TMTC2: variants seen among roughly 807,000 people sequenced by gnomAD.
TMTC2 encodes transmembrane O-mannosyltransferase targeting cadherins 2, also known as protein O-mannosyl-transferase TMTC2.
A neutral mutation model predicts 82.4 loss-of-function variants in TMTC2; 43 were observed. The observed-to-expected ratio is 0.52, with a 90% CI of 0.41 to 0.67. The LOEUF (loss-of-function observed/expected upper bound fraction) is 0.67, where lower values mean the gene tolerates loss of function less well. TMTC2 is among the 30% of genes least tolerant of loss of function. The probability of loss-of-function intolerance (pLI) is 0.00; values close to 1 mark genes in which losing one functional copy is unlikely to be tolerated. For synonymous variants in TMTC2, 408 were observed against 381.9 expected, an observed-to-expected ratio of 1.07 and a Z score of -0.80; for missense variants, 919 against 1,012.4, an observed-to-expected ratio of 0.91 and a Z score of 1.25.
intron 2 of TMTC2, among the ~76,000 whole-genome samples, chr12:82,892,677 T>A (rs910892770): frequency 6.6e-6 from 1 of 152,202 alleles, no homozygotes; most frequent in Non-Finnish European, 1.5e-5. Context: ...TTACAGCTGT[T>A]TTTGTAATGC....
Position 82,751,553 on chromosome 12 carries a change from TAAAA to T in TMTC2, c.83+63885_83+63888del, listed in dbSNP as rs1565734497. Among the ~76,000 whole-genome samples the T allele has an allele frequency of 4.6e-3, 700 of 151,940 alleles. 3 individuals are homozygous for T. The highest frequency in any genetic ancestry group is 7.0e-3 in the Non-Finnish European group (475 of 67,950). On this transcript the variant is annotated intron_variant, in intron 1 of 11. Transcript: ENST00000321196. ...AAAGTATAATAATAATAAAATAAAA[TAAAA>T]TAAAATATATAAAGTTATTTTGGAA... is the stretch of plus-strand genomic sequence containing the variant.
chr12:82,983,815 T>C (rs1421745039), intron 7 of TMTC2, among the ~76,000 whole-genome samples: 1 of 152,054 alleles, frequency 6.6e-6, no homozygotes, highest in Non-Finnish European at 1.5e-5. Flanking sequence ...TATGTGGATA[T>C]GTTTTCTCAT....
chr12:82,837,580 T>C (rs1018733059), intron 1 of TMTC2, among the ~76,000 whole-genome samples: 1 of 152,258 alleles, frequency 6.6e-6, no homozygotes, highest in African/African-American at 2.4e-5. Flanking sequence ...TGTAATTGTC[T>C]GTTTTTGAAG....
chr12:83,088,101 G>A (rs762008705), intron 11 of TMTC2, among the ~76,000 whole-genome samples: 28 of 152,196 alleles, frequency 1.8e-4, no homozygotes, highest in South Asian at 4.1e-4. Flanking sequence ...ACCAGCACTA[G>A]TAGCCTCACC....
chr12:82,871,621 T>C (rs1872180854), intron 2 of TMTC2, among the ~76,000 whole-genome samples: 2 of 151,722 alleles, frequency 1.3e-5, no homozygotes, highest in African/African-American at 2.4e-5. Context: ...TAATTTAGCC[T>C]GGTTAGGGAA....
At chr12:82,705,820 G>C (rs1873325959) in intron 1 of TMTC2, among the ~76,000 whole-genome samples, 1 of 152,048 alleles carries the variant, frequency 6.6e-6, no homozygotes, top group African/African-American at 2.4e-5. Context: ...GAGATTGTGC[G>C]ACATAATCTC....
At position 82,976,829 on chromosome 12, in the gene TMTC2, A is replaced by C. The variant is rs370074003; in HGVS notation, c.1949-9096A>C. Among the ~76,000 whole-genome samples the C allele has an allele frequency of 2.0e-5, 3 of 152,134 alleles. No individual in the cohort carries two copies. The South Asian group carries it at 6.2e-4, about 32-fold the overall frequency. On this transcript the variant is annotated intron_variant, in intron 7 of 11. Coordinates refer to ENST00000321196, the MANE Select transcript of TMTC2 (RefSeq NM_152588.3). The stretch of plus-strand genomic sequence containing the variant: ...CTGTGAAGTAAAAAATGATCATCGG[A>C]CTGCAGGTTCTAGAAAAAAAGAATT...
intron 3 of TMTC2, 86 bp downstream of exon 3, chr12:82,896,732 T>A: frequency 9.0e-7 from 1 of 1,113,732 alleles, no homozygotes; most frequent in Non-Finnish European, 1.3e-6. Flanking sequence ...AACACAGTAT[T>A]AAGGAGGAAG....
At chr12:82,790,007 G>C (rs1472494367) in intron 1 of TMTC2, among the ~76,000 whole-genome samples, 1 of 151,994 alleles carries the variant, frequency 6.6e-6, no homozygotes. Context: ...GAGGCAAGGA[G>C]TTGGGGCAAC....
chr12:83,082,800 C>CATAGGATTT (rs1332959125), intron 11 of TMTC2, among the ~76,000 whole-genome samples: 2 of 152,160 alleles, frequency 1.3e-5, no homozygotes, highest in African/African-American at 2.4e-5. Flanking sequence ...ATGTGGAGCA[C>CATAGGATTT]ATAGGATTTG....
At chr12:82,779,938 A>C (rs1258472096) in intron 1 of TMTC2, among the ~76,000 whole-genome samples, 1 of 151,022 alleles carries the variant, frequency 6.6e-6, no homozygotes, top group African/African-American at 2.5e-5. Context: ...GTTACATGCC[A>C]GAGTTACGGC....
intron 1 of TMTC2, among the ~76,000 whole-genome samples, chr12:82,831,581 G>A (rs555864213): frequency 3.3e-5 from 5 of 152,196 alleles, no homozygotes; most frequent in South Asian, 4.1e-4. Context: ...CTTCTTGTGG[G>A]TGATCTTCAT....
intron 8 of TMTC2, among the ~76,000 whole-genome samples, chr12:83,024,266 T>A (rs969851915): frequency 1.3e-5 from 2 of 152,238 alleles, no homozygotes; most frequent in South Asian, 2.1e-4. Context: ...TTTTAAAAAA[T>A]TTTAAACTAT....
intron 4 of TMTC2, among the ~76,000 whole-genome samples, chr12:82,961,078 T>G (rs12304043): frequency 0.076 from 11,528 of 151,714 alleles, 1,487 homozygotes; most frequent in African/African-American, 0.26. Flanking sequence ...AGGTTCGTTA[T>G]GTGCAAAATG....
chr12:82,854,578 G>A (rs1871155250), intron 1 of TMTC2, among the ~76,000 whole-genome samples: 1 of 152,144 alleles, frequency 6.6e-6, no homozygotes, highest in Admixed American at 6.6e-5. Context: ...AGTATGAAGG[G>A]AAGATAGGGA....
In TMTC2 at chr12:83,074,573, G is replaced by T. The variant is rs547566444; in HGVS notation, c.2331+12742G>T. Among the ~76,000 whole-genome samples the T allele has an allele frequency of 4.8e-4, 73 of 152,122 alleles. 1 individual carries two copies. The highest frequency in any genetic ancestry group is 4.4e-3 in the South Asian group (21 of 4,814). On this transcript the variant is annotated intron_variant, in intron 11 of 11. Coordinates refer to ENST00000321196, the MANE Select transcript of TMTC2 (RefSeq NM_152588.3). Reference sequence around the variant, plus strand: ...GGTCCCTGGAGTTGTGTACCTAGGAGGATCATGGCTGCCTTTGCTGAGTCA... The same window carrying T: ...GGTCCCTGGAGTTGTGTACCTAGGATGATCATGGCTGCCTTTGCTGAGTCA...
At chr12:82,846,903 A>C (rs185834909) in intron 1 of TMTC2, among the ~76,000 whole-genome samples, 11 of 152,244 alleles carry the variant, frequency 7.2e-5, no homozygotes, top group Non-Finnish European at 1.2e-4. Context: ...AATTTGGAAA[A>C]GTGTTACCAG....
chr12:82,952,492 T>A (rs1233341068), intron 4 of TMTC2, among the ~76,000 whole-genome samples: 1 of 152,126 alleles, frequency 6.6e-6, no homozygotes, highest in Non-Finnish European at 1.5e-5. Context: ...TTACATATTT[T>A]ATAACTTTAT....
At chr12:82,776,735 G>A (rs967722551) in intron 1 of TMTC2, among the ~76,000 whole-genome samples, 1 of 151,972 alleles carries the variant, frequency 6.6e-6, no homozygotes, top group Admixed American at 6.6e-5. Flanking sequence ...TCACACCAGT[G>A]CACTCCATTC....
Sources: allele counts gnomAD v4.1 joint callset (sites outside exome capture counted in the v4.1 genomes callset), GRCh38; gene constraint gnomAD v4.1.1; transcripts MANE v1.5; gene names NCBI Gene and HGNC (gene_info 2026-07-23, HGNC 2026-07-21).